Variants in LRRC37A2 observed in about 807,000 individuals in gnomAD.
LRRC37A2 encodes leucine-rich repeat-containing protein 37A2.
Under a neutral mutation model 68.8 loss-of-function variants are expected in LRRC37A2, and 9 were observed. The ratio of observed to expected loss-of-function variants is 0.13; its 90% CI spans 0.08 to 0.23. LRRC37A2 has a LOEUF of 0.23. Among genes scored for constraint, LRRC37A2 ranks in the 10% least tolerant of loss-of-function variants. LRRC37A2 has a pLI of 1.00. For synonymous variants in LRRC37A2, 63 were observed against 367.6 expected, an observed-to-expected ratio of 0.17 and a Z score of 9.48; for missense variants, 168 against 950.4, an observed-to-expected ratio of 0.18 and a Z score of 10.82.
At chr17:46,997,570 G>A in the LRRC37A2 span, among the ~76,000 whole-genome samples, 1 of 152,132 alleles carries the variant, frequency 6.6e-6, no homozygotes, top group Non-Finnish European at 1.5e-5. Flanking sequence ...CCACTTATAG[G>A]AAATATAGAA....
chr17:46,863,799 C>A, the LRRC37A2 span, among the ~76,000 whole-genome samples: 1 of 152,156 alleles, frequency 6.6e-6, no homozygotes, highest in Non-Finnish European at 1.5e-5. Flanking sequence ...CCCTGGCTGG[C>A]TCTGGATTTA....
At chr17:46,830,971 T>C in the LRRC37A2 span, 6 of 392,420 alleles carry the variant, frequency 1.5e-5, no homozygotes, top group African/African-American at 2.1e-5. Flanking sequence ...CCATAGTGTC[T>C]GGTTAGAATG....
chr17:46,987,744 T>G, the LRRC37A2 span, among the ~76,000 whole-genome samples: 1 of 152,214 alleles, frequency 6.6e-6, no homozygotes, highest in Non-Finnish European at 1.5e-5. Flanking sequence ...TATCACTAGA[T>G]GAAGGGATAA....
At chr17:46,999,843 A>G in the LRRC37A2 span, among the ~76,000 whole-genome samples, 7 of 150,644 alleles carry the variant, frequency 4.6e-5, no homozygotes, top group Non-Finnish European at 7.4e-5. Flanking sequence ...TACTAAAAAT[A>G]TAAAAATTAG....
the LRRC37A2 span, among the ~76,000 whole-genome samples, chr17:46,816,468 A>AAC: frequency 3.5e-4 from 34 of 96,526 alleles, no homozygotes; most frequent in East Asian, 1.6e-3. Flanking sequence ...ATAGACCCAG[A>AAC]ACACACGCAC....
the LRRC37A2 span, among the ~76,000 whole-genome samples, chr17:46,853,974 T>C: frequency 6.6e-6 from 1 of 151,814 alleles, no homozygotes; most frequent in Non-Finnish European, 1.5e-5. Context: ...GAAAATGACA[T>C]GTGAGATGGT....
the LRRC37A2 span, among the ~76,000 whole-genome samples, chr17:46,865,140 C>G: frequency 2.0e-5 from 3 of 152,162 alleles, no homozygotes; most frequent in African/African-American, 2.4e-5. Flanking sequence ...TCAGCCCGAG[C>G]CTGAGTGGAG....
chr17:46,912,618 G>T, the LRRC37A2 span, among the ~76,000 whole-genome samples: 1 of 152,188 alleles, frequency 6.6e-6, no homozygotes, highest in African/African-American at 2.4e-5. Flanking sequence ...CCTCTACTTG[G>T]TGGGTCCTGG....
At chr17:46,932,283 T>C in the LRRC37A2 span, 1 of 1,528,522 alleles carries the variant, frequency 6.5e-7, no homozygotes, top group South Asian at 1.1e-5. Context: ...CCATCTGTTT[T>C]GGGGGTGTCT....
Position 46,548,103 on chromosome 17 carries a change from A to T in LRRC37A2, c.3173-209A>T. 3 of 133,576 alleles carry T rather than the reference A, an allele frequency of 2.2e-5. 1 individual carries two copies. The highest frequency in any genetic ancestry group is 4.3e-4 in the Admixed American group (2 of 4,660). The allele number at this position is 133,576 out of a possible 1,614,324, so 8.3% of individuals were successfully genotyped here. On this transcript the variant is annotated intron_variant, in intron 9 of 14. Transcript: ENST00000576629. The stretch of plus-strand genomic sequence containing the variant: ...TCTATGTCACACTATGGAATGTTCC[A>T]AGTAGGTGGCCGTGTTTTCAAAAGA...
the LRRC37A2 span, among the ~76,000 whole-genome samples, chr17:46,382,531 T>TA: frequency 2.3e-5 from 1 of 44,398 alleles, no homozygotes; most frequent in Non-Finnish European, 5.2e-5. Context: ...TCTGGCTAAT[T>TA]AAAAAAAAGT....
At chr17:46,884,136 G>A in the LRRC37A2 span, among the ~76,000 whole-genome samples, 12 of 152,142 alleles carry the variant, frequency 7.9e-5, no homozygotes, top group African/African-American at 1.9e-4. Context: ...GGAGAGCAAC[G>A]GTAGCCCCCC....
chr17:46,552,965 G>A (rs1355324802), intron 11 of LRRC37A2, among the ~76,000 whole-genome samples: 5 of 142,528 alleles, frequency 3.5e-5, no homozygotes, highest in African/African-American at 1.1e-4. Flanking sequence ...TGAGGTGGGC[G>A]GATCACTGGA....
chr17:47,038,573 G>A, the LRRC37A2 span, among the ~76,000 whole-genome samples: 12 of 145,904 alleles, frequency 8.2e-5, no homozygotes, highest in Admixed American at 6.8e-5. Context: ...CAAAAACTTC[G>A]CTTCTCTAAA....
chr17:46,874,200 G>A, the LRRC37A2 span, among the ~76,000 whole-genome samples: 13 of 152,106 alleles, frequency 8.5e-5, no homozygotes, highest in South Asian at 1.2e-3. Context: ...GAGGAGTGTC[G>A]GTGGTTCTGG....
chr17:46,398,448 G>T, the LRRC37A2 span, among the ~76,000 whole-genome samples: 1 of 149,642 alleles, frequency 6.7e-6, no homozygotes, highest in Non-Finnish European at 1.5e-5. Context: ...TTACAGAATT[G>T]TAAAGAGTTC....
At chr17:46,899,784 C>T in the LRRC37A2 span, among the ~76,000 whole-genome samples, 2 of 152,078 alleles carry the variant, frequency 1.3e-5, no homozygotes, top group Non-Finnish European at 2.9e-5. Flanking sequence ...ATTGTATCCC[C>T]ATAGAACTGT....
the LRRC37A2 span, chr17:46,769,716 A>G: frequency 1.3e-6 from 2 of 1,589,744 alleles, no homozygotes; most frequent in South Asian, 1.1e-5. Flanking sequence ...GGTGGGGGCC[A>G]GGGCAGCTCC....
At chr17:46,500,153 A>G in the LRRC37A2 span, among the ~76,000 whole-genome samples, 22 of 149,486 alleles carry the variant, frequency 1.5e-4, 1 homozygote, top group Admixed American at 5.3e-4. Flanking sequence ...TTGGTTCTCC[A>G]TTTTTCTTCA....
Sources: allele counts gnomAD v4.1 joint callset (sites outside exome capture counted in the v4.1 genomes callset), GRCh38; gene constraint gnomAD v4.1.1; transcripts MANE v1.5; gene names NCBI Gene and HGNC (gene_info 2026-07-23, HGNC 2026-07-21).